The following VOPP1 variants were observed in gnomAD, a reference collection of about 807,000 sequenced individuals.
VOPP1 encodes the protein VOPP1 WW domain binding protein, also known as WW domain binding protein VOPP1.
A neutral mutation model predicts 23.5 loss-of-function variants in VOPP1; 8 were observed. The observed-to-expected ratio is 0.34, with a 90% CI of 0.20 to 0.61. The LOEUF (loss-of-function observed/expected upper bound fraction) is 0.61. VOPP1 is among the 20% of genes least tolerant of loss of function. The pLI is 0.78. For synonymous variants in VOPP1, 83 were observed against 97.3 expected, an observed-to-expected ratio of 0.85 and a Z score of 0.86; for missense variants, 174 against 238.1, an observed-to-expected ratio of 0.73 and a Z score of 1.77.
intron 2 of VOPP1, among the ~76,000 whole-genome samples, chr7:55,504,699 C>G (rs1163609738): frequency 6.6e-6 from 1 of 152,252 alleles, no homozygotes; most frequent in African/African-American, 2.4e-5. Flanking sequence ...TGATTCATGA[C>G]TCACACAGCC....
intron 3 of VOPP1, 84 bp downstream of exon 3, chr7:55,497,529 G>T: frequency 6.4e-6 from 8 of 1,257,746 alleles, no homozygotes; most frequent in Non-Finnish European, 8.0e-6. Context: ...TGAAGGTGTC[G>T]CATCCAAGGC....
At chr7:55,462,109 T>C (rs1409074285) in intron 4 of VOPP1, among the ~76,000 whole-genome samples, 1 of 152,248 alleles carries the variant, frequency 6.6e-6, no homozygotes, top group African/African-American at 2.4e-5. Context: ...TTGCCGAGTA[T>C]AGTGTTCTTG....
At chr7:55,528,851 A>C (rs1369610431) in intron 1 of VOPP1, among the ~76,000 whole-genome samples, 34 of 152,260 alleles carry the variant, frequency 2.2e-4, no homozygotes, top group Admixed American at 2.2e-3. Flanking sequence ...AGCTGTATTC[A>C]TAGAAAGTTT....
intron 1 of VOPP1, among the ~76,000 whole-genome samples, chr7:55,542,484 T>C (rs2129051267): frequency 6.6e-6 from 1 of 152,306 alleles, no homozygotes; most frequent in East Asian, 1.9e-4. Context: ...ATATTTTAGC[T>C]TCCACATATG....
chr7:55,520,580 C>T (rs1430981208), intron 2 of VOPP1, among the ~76,000 whole-genome samples: 1 of 152,214 alleles, frequency 6.6e-6, no homozygotes, highest in Non-Finnish European at 1.5e-5. Flanking sequence ...GAGCCAAGAG[C>T]CATGAGAGGC....
At chr7:55,494,731 C>T (rs1010897516) in intron 3 of VOPP1, among the ~76,000 whole-genome samples, 2 of 152,188 alleles carry the variant, frequency 1.3e-5, no homozygotes, top group East Asian at 3.9e-4. Flanking sequence ...CCCACCTTGG[C>T]CTCCCAAAGT....
chr7:55,453,518 G>A (rs1791292839), intron 4 of VOPP1, among the ~76,000 whole-genome samples: 1 of 152,116 alleles, frequency 6.6e-6, no homozygotes, highest in Non-Finnish European at 1.5e-5. Context: ...ATTATTGTTT[G>A]TTGTGTGTCA....
intron 2 of VOPP1, among the ~76,000 whole-genome samples, chr7:55,500,221 A>G (rs1794271929): frequency 6.6e-6 from 1 of 152,148 alleles, no homozygotes; most frequent in African/African-American, 2.4e-5. Flanking sequence ...CCCTGTGAAT[A>G]CCAGATGGCC....
intron 2 of VOPP1, among the ~76,000 whole-genome samples, chr7:55,507,429 CA>C: frequency 6.6e-6 from 1 of 152,104 alleles, no homozygotes; most frequent in African/African-American, 2.4e-5. Context: ...TTTTTTTTAA[CA>C]GCTTTATTGA....
At chr7:55,448,295 A>G (rs1791151086) in intron 4 of VOPP1, among the ~76,000 whole-genome samples, 1 of 148,378 alleles carries the variant, frequency 6.7e-6, no homozygotes, top group Admixed American at 7.1e-5. Flanking sequence ...GAAATGTATC[A>G]ATATCATAAA....
At chr7:55,558,506 C>T (rs1186306351) in intron 1 of VOPP1, among the ~76,000 whole-genome samples, 1 of 152,164 alleles carries the variant, frequency 6.6e-6, no homozygotes, top group East Asian at 1.9e-4. Context: ...GGTGTGCACA[C>T]CTGCAGGGGT....
At chr7:55,504,448 G>C (rs12718970) in intron 2 of VOPP1, among the ~76,000 whole-genome samples, 1 of 152,112 alleles carries the variant, frequency 6.6e-6, no homozygotes, top group Non-Finnish European at 1.5e-5. Context: ...GAGCCTCTGG[G>C]GGAGCAGAGG....
At chr7:55,500,903 G>C (rs1794319957) in intron 2 of VOPP1, among the ~76,000 whole-genome samples, 1 of 152,214 alleles carries the variant, frequency 6.6e-6, no homozygotes, top group Non-Finnish European at 1.5e-5. Context: ...CAGTAACATG[G>C]AGCCTTTCAT....
At chr7:55,494,177 C>T (rs1228653643) in intron 3 of VOPP1, among the ~76,000 whole-genome samples, 1 of 152,194 alleles carries the variant, frequency 6.6e-6, no homozygotes, top group African/African-American at 2.4e-5. Context: ...ATGTGCTCGG[C>T]ATCAAGAACA....
intron 1 of VOPP1, among the ~76,000 whole-genome samples, chr7:55,529,924 T>C (rs1293531558): frequency 2.0e-5 from 3 of 152,234 alleles, no homozygotes; most frequent in Non-Finnish European, 4.4e-5. Flanking sequence ...TTCCATTCTA[T>C]GAAGACACCA....
downstream of VOPP1, among the ~76,000 whole-genome samples, chr7:55,466,967 G>T (rs111809211): frequency 0.012 from 1,791 of 152,266 alleles, 13 homozygotes; most frequent in Admixed American, 0.021. Flanking sequence ...CACGGACCAG[G>T]GGGTGGTGGG....
chr7:55,454,883 C>A (rs554982892), intron 4 of VOPP1, among the ~76,000 whole-genome samples: 1 of 152,172 alleles, frequency 6.6e-6, no homozygotes, highest in Non-Finnish European at 1.5e-5. Context: ...CCCTTGAAAA[C>A]CAGCACAAGA....
chr7:55,517,105 A>AAC (rs1554408636), intron 2 of VOPP1, among the ~76,000 whole-genome samples: 1 of 149,788 alleles, frequency 6.7e-6, no homozygotes, highest in Non-Finnish European at 1.5e-5. Flanking sequence ...ATGTCCAGCT[A>AAC]ATATATATAT....
At chr7:55,457,328 T>C (rs1010462087) in intron 4 of VOPP1, among the ~76,000 whole-genome samples, 2 of 152,214 alleles carry the variant, frequency 1.3e-5, no homozygotes, top group Non-Finnish European at 2.9e-5. Context: ...CAGTATTCCA[T>C]TGTGTAAGTA....
Sources: allele counts gnomAD v4.1 joint callset (sites outside exome capture counted in the v4.1 genomes callset), GRCh38; gene constraint gnomAD v4.1.1; transcripts MANE v1.5; gene names NCBI Gene and HGNC (gene_info 2026-07-23, HGNC 2026-07-21).